Variants in DDX60L observed in about 807,000 individuals in gnomAD.
The protein encoded by DDX60L is DExD/H-box 60 like.
Under a neutral mutation model 211.6 loss-of-function variants are expected in DDX60L, and 191 were observed. The ratio of observed to expected loss-of-function variants is 0.90; its 90% CI spans 0.80 to 1.02. The LOEUF (loss-of-function observed/expected upper bound fraction) is 1.02, where lower values mean the gene tolerates loss of function less well. Among genes scored for constraint, DDX60L ranks in the 50% least tolerant of loss-of-function variants. DDX60L has a pLI of 0.00. For synonymous variants in DDX60L, 706 were observed against 694.1 expected (o/e 1.02, Z -0.27); for missense variants, 2,007 against 1,984.1 (o/e 1.01, Z -0.22).
At chr4:168,447,605 T>C (rs954162826) in intron 9 of DDX60L, among the ~76,000 whole-genome samples, 5 of 151,910 alleles carry the variant, frequency 3.3e-5, no homozygotes, top group African/African-American at 1.2e-4. Flanking sequence ...TTATTCACAA[T>C]AGCAAAGACT....
At chr4:168,415,823 A>G in intron 20 of DDX60L, 24 bp from the exon 21 acceptor site, 1 of 1,464,390 alleles carries the variant, frequency 6.8e-7, no homozygotes. Context: ...CATGCATATA[A>G]TTTAAATAAA....
Position 168,385,524 on chromosome 4 carries a change from C to A in DDX60L, c.3916-712G>T, listed in dbSNP as rs1183870384. Among the ~76,000 whole-genome samples the A allele has an allele frequency of 4.6e-5, 7 of 152,180 alleles. 1 individual carries two copies. Among genetic ancestry groups the A allele is most frequent in the Admixed American group, 3.9e-4 (6 of 15,280 alleles). ...AAAGAGGGGGTCATGGGAACCCCAA[C>A]TTGAAGCCAGTTGGTCATAAGTTCC... On this transcript the variant is annotated intron_variant, in intron 29 of 37. Coordinates refer to ENST00000682922, the MANE Select transcript of DDX60L (RefSeq NM_001012967.3).
At chr4:168,382,890 G>A (rs992928256) in intron 30 of DDX60L, among the ~76,000 whole-genome samples, 2 of 152,042 alleles carry the variant, frequency 1.3e-5, no homozygotes, top group African/African-American at 4.8e-5. Context: ...AAAATCATAA[G>A]ACCTGAGACT....
intron 37 of DDX60L, among the ~76,000 whole-genome samples, chr4:168,360,453 G>A (rs576170870): frequency 2.2e-4 from 34 of 152,216 alleles, no homozygotes; most frequent in Admixed American, 3.3e-4. Context: ...GGTCAGACTC[G>A]GCTCAGACCA....
chr4:168,470,870 C>A, intron 4 of DDX60L: 2 of 257,590 alleles, frequency 7.8e-6, no homozygotes, highest in South Asian at 7.2e-5. Flanking sequence ...CTACAACAGG[C>A]AAAACTCAAG....
chr4:168,379,688 C>T (rs1579259118), intron 31 of DDX60L, 38 bp downstream of exon 31: 1 of 1,501,022 alleles, frequency 6.7e-7, no homozygotes, highest in Non-Finnish European at 9.2e-7. Context: ...TTACACGGTA[C>T]TAGTTACAGA....
chr4:168,468,012 C>T (rs879859801), intron 4 of DDX60L, among the ~76,000 whole-genome samples: 1 of 151,888 alleles, frequency 6.6e-6, no homozygotes, highest in African/African-American at 2.4e-5. Flanking sequence ...GCTAAAAATA[C>T]AAAAATCAGC....
intron 10 of DDX60L, among the ~76,000 whole-genome samples, chr4:168,434,337 A>C (rs1274821520): frequency 1.3e-5 from 2 of 152,210 alleles, no homozygotes; most frequent in African/African-American, 4.8e-5. Context: ...AGGTATCCAA[A>C]GGCTTAGAGA....
rs1198519314 is a variant in DDX60L at position 168,415,412 on chromosome 4, T to C, written c.2975A>G (p.Asp992Gly). ...HFHPCAALTT[D>G]IIEKYGFPPD... is the part of the protein sequence containing the mutation. ...CAAATACACTTTTATACTTACAATATCTGTCGTTAGCGCAGCACAGGGATG... is the reference window on the plus strand; with the variant it reads ...CAAATACACTTTTATACTTACAATACCTGTCGTTAGCGCAGCACAGGGATG... The change falls in exon 22 of 38, where the codon GAT becomes GGT. Residue 992 changes from aspartate (D) to glycine (G), a missense_variant. Coordinates refer to ENST00000682922, the MANE Select transcript of DDX60L (RefSeq NM_001012967.3). 2 of 1,595,418 alleles carry C rather than the reference T, an allele frequency of 1.3e-6. No individual in the cohort carries two copies. The highest frequency in any genetic ancestry group is 1.7e-6 in the Non-Finnish European group (2 of 1,169,678).
chr4:168,460,781 T>G (rs868007752), intron 5 of DDX60L, among the ~76,000 whole-genome samples: 6 of 152,294 alleles, frequency 3.9e-5, no homozygotes, highest in Admixed American at 2.0e-4. Flanking sequence ...GCCTCCCACT[T>G]CAGACACGAA....
At position 168,394,599 on chromosome 4, in the gene DDX60L, G is replaced by A. The variant is rs1242578806; in HGVS notation, c.3676C>T (p.Pro1226Ser). 1 of 1,605,318 alleles carries A rather than the reference G, an allele frequency of 6.2e-7. No individual in the cohort carries two copies. The stretch of plus-strand genomic sequence containing the variant: ...CCGTGTCTTGTAAATCGCACTCGCG[G>A]TAATACCCTCTCCAAAGTCTAAAAC... ...NKDSTLERVLPRVRFTRHGKE... is the reference protein window; with the variant it reads ...NKDSTLERVLSRVRFTRHGKE... Residue 1226 changes from proline to serine, a missense_variant, in exon 28 of 38, where the codon CCG becomes TCG. By Grantham distance (74) the Pro-to-Ser change is moderately conservative. Coordinates refer to ENST00000682922, the MANE Select transcript of DDX60L (RefSeq NM_001012967.3).
In DDX60L at chr4:168,361,071, C is replaced by T. The variant is rs868120128; in HGVS notation, c.4991+78G>A. The T allele has an allele frequency of 3.7e-6, 4 of 1,083,464 alleles. No individual in the cohort carries two copies. The African/African-American group carries it at 6.3e-5, about 17-fold the overall frequency. The allele number at this position is 1,083,464 out of a possible 1,614,324, so 67.1% of individuals were successfully genotyped here. ...AGTGCTCCTTCATGAGAATCACAAA[C>T]TTACACAAAGGAAGAGCTATATGTT... On this transcript the variant is annotated intron_variant, in intron 37 of 37. Transcript: ENST00000682922.
intron 12 of DDX60L, 98 bp downstream of exon 12, chr4:168,432,357 T>C (rs1212395405): frequency 5.7e-6 from 2 of 351,954 alleles, no homozygotes; most frequent in African/African-American, 4.4e-5. Flanking sequence ...TCATTCAAAA[T>C]AGAACGTGTT....
rs746243914 is a variant in DDX60L at position 168,456,096 on chromosome 4, C to T, written c.780G>A (p.Gln260=). Reference sequence around the variant, plus strand: ...AACATGAAGTGACACAGAGAACACGCTGGATGTCCGATCCTTCTGACCATA... The same window carrying T: ...AACATGAAGTGACACAGAGAACACGTTGGATGTCCGATCCTTCTGACCATA... ...QHLWSEGSDI[Q]RVLCVTSCSL... is the part of the protein sequence containing the mutation. The change falls in exon 7 of 38, where the codon CAG becomes CAA. Residue 260 remains glutamine, a synonymous_variant. Transcript: ENST00000682922. The T allele has an allele frequency of 3.8e-6, 6 of 1,595,784 alleles. No homozygotes were observed. In the Admixed American group the frequency reaches 1.1e-4, roughly 28 times the overall value.
At chr4:168,398,041 G>A (rs564194198) in intron 26 of DDX60L, among the ~76,000 whole-genome samples, 193 of 152,084 alleles carry the variant, frequency 1.3e-3, no homozygotes, top group African/African-American at 4.4e-3. Flanking sequence ...TGCCAGGAGT[G>A]GACAGGAGCC....
In DDX60L at chr4:168,404,147, A is replaced by G. The variant is rs756213440; in HGVS notation, c.3214-41T>C. On this transcript the variant is annotated intron_variant, in intron 24 of 37. Coordinates refer to ENST00000682922, the MANE Select transcript of DDX60L (RefSeq NM_001012967.3). Reference sequence around the variant, plus strand: ...AAAATTATTTAAAAAAAAAAAAAGAATTTGTGGAAACAGAAGAAAGAAAGG... The same window carrying G: ...AAAATTATTTAAAAAAAAAAAAAGAGTTTGTGGAAACAGAAGAAAGAAAGG... The G allele has an allele frequency of 4.2e-6, 5 of 1,199,854 alleles. No homozygotes were observed. In the South Asian group the frequency reaches 6.6e-5, roughly 16 times the overall value. The allele number at this position is 1,199,854 out of a possible 1,614,324, so 74.3% of individuals were successfully genotyped here.
intron 37 of DDX60L, among the ~76,000 whole-genome samples, chr4:168,359,761 G>A (rs972974105): frequency 6.6e-6 from 1 of 151,990 alleles, no homozygotes; most frequent in Non-Finnish European, 1.5e-5. Flanking sequence ...AAGACCCTTC[G>A]CATATACAAC....
intron 29 of DDX60L, chr4:168,390,374 T>A (rs1421512639): frequency 1.7e-6 from 2 of 1,188,130 alleles, no homozygotes; most frequent in Non-Finnish European, 1.0e-6. Flanking sequence ...CAGAACATGG[T>A]AAAAGGTGAT....
intron 27 of DDX60L, 131 bp from the exon 28 acceptor site, chr4:168,394,748 T>G: frequency 1.4e-6 from 1 of 733,598 alleles, no homozygotes; most frequent in Non-Finnish European, 2.1e-6. Context: ...CCTTTGACCC[T>G]GAACCTACAT....
Sources: allele counts gnomAD v4.1 joint callset (sites outside exome capture counted in the v4.1 genomes callset), GRCh38; gene constraint gnomAD v4.1.1; transcripts MANE v1.5; gene names NCBI Gene and HGNC (gene_info 2026-07-23, HGNC 2026-07-21).